EPHA6: variants seen among roughly 807,000 people sequenced by gnomAD.
The protein encoded by EPHA6 is ephrin type-A receptor 6.
EPHA6 carries 50 observed loss-of-function variants against 112.0 expected under a neutral mutation model. The ratio of observed to expected loss-of-function variants is 0.45; its 90% CI spans 0.36 to 0.56. The LOEUF (loss-of-function observed/expected upper bound fraction) is 0.56, where lower values mean the gene tolerates loss of function less well. Among genes scored for constraint, EPHA6 ranks in the 20% least tolerant of loss-of-function variants. The pLI is 0.00. For synonymous variants in EPHA6, 529 were observed against 490.7 expected, an observed-to-expected ratio of 1.08 and a Z score of -1.03; for missense variants, 1,280 against 1,417.4, an observed-to-expected ratio of 0.90 and a Z score of 1.56.
chr3:96,914,821 TGAA>T (rs1446331352), intron 2 of EPHA6, among the ~76,000 whole-genome samples: 1 of 151,976 alleles, frequency 6.6e-6, no homozygotes, highest in Non-Finnish European at 1.5e-5. Context: ...AAAAGTGTGT[TGAA>T]GAAAATAATC....
intron 10 of EPHA6, among the ~76,000 whole-genome samples, chr3:97,527,378 C>T (rs1232030478): frequency 6.6e-6 from 1 of 152,092 alleles, no homozygotes; most frequent in South Asian, 2.1e-4. Context: ...TCCAAGGGCT[C>T]CCACAAAGAA....
intron 5 of EPHA6, among the ~76,000 whole-genome samples, chr3:97,249,168 A>C (rs1000771231): frequency 1.4e-4 from 22 of 152,128 alleles, no homozygotes; most frequent in Non-Finnish European, 7.4e-5. Context: ...TTAACTAAGA[A>C]AGATGCTGTA....
chr3:97,653,142 A>G (rs1044617299), intron 14 of EPHA6, among the ~76,000 whole-genome samples: 1 of 151,962 alleles, frequency 6.6e-6, no homozygotes, highest in African/African-American at 2.4e-5. Flanking sequence ...GGGTCTCAAA[A>G]GGAAAAATAG....
intron 3 of EPHA6, among the ~76,000 whole-genome samples, chr3:97,145,848 G>T (rs2076031006): frequency 6.6e-6 from 1 of 151,494 alleles, no homozygotes. Context: ...ATCATATAAT[G>T]AGTTGAGCAC....
intron 5 of EPHA6, among the ~76,000 whole-genome samples, chr3:97,305,064 G>A (rs550160975): frequency 7.4e-4 from 112 of 151,936 alleles, no homozygotes; most frequent in South Asian, 1.5e-3. Flanking sequence ...ATTAAAAGTG[G>A]GCAAAAGACA....
At chr3:97,090,320 G>C (rs1167899549) in intron 3 of EPHA6, among the ~76,000 whole-genome samples, 1 of 151,862 alleles carries the variant, frequency 6.6e-6, no homozygotes, top group African/African-American at 2.4e-5. Flanking sequence ...GAAATAGCAT[G>C]GTTTGTTTGT....
chr3:97,733,196 A>G (rs2035113075), intron 15 of EPHA6, among the ~76,000 whole-genome samples: 1 of 152,042 alleles, frequency 6.6e-6, no homozygotes, highest in Non-Finnish European at 1.5e-5. Flanking sequence ...TCTGAAGCTA[A>G]GGACCTGGGG....
chr3:97,009,957 C>G, intron 3 of EPHA6: 1 of 569,918 alleles, frequency 1.8e-6, no homozygotes, highest in Non-Finnish European at 3.0e-6. Flanking sequence ...ACCTTGGTTG[C>G]CGTTGAAGGA....
chr3:96,908,165 G>T (rs1390440349), intron 2 of EPHA6, among the ~76,000 whole-genome samples: 1 of 151,908 alleles, frequency 6.6e-6, no homozygotes, highest in Non-Finnish European at 1.5e-5. Context: ...AATGTAAAAT[G>T]GTATACCTGC....
intron 4 of EPHA6, among the ~76,000 whole-genome samples, chr3:97,233,115 CAATT>C (rs2078578453): frequency 6.6e-6 from 1 of 152,038 alleles, no homozygotes; most frequent in African/African-American, 2.4e-5. Flanking sequence ...CAGCTGCCAC[CAATT>C]ATGGTTTTAG....
At chr3:97,581,033 T>C (rs2093432569) in intron 11 of EPHA6, among the ~76,000 whole-genome samples, 1 of 152,220 alleles carries the variant, frequency 6.6e-6, no homozygotes, top group Non-Finnish European at 1.5e-5. Flanking sequence ...TGGAATAGCA[T>C]CCCTAGCTAT....
At chr3:97,629,175 G>T (rs2107528909) in intron 13 of EPHA6, among the ~76,000 whole-genome samples, 2 of 151,984 alleles carry the variant, frequency 1.3e-5, no homozygotes, top group Middle Eastern at 3.4e-3. Flanking sequence ...TGATCCTCCT[G>T]CTTCAGCCTC....
At chr3:97,597,784 A>G (rs2093606694) in intron 12 of EPHA6, among the ~76,000 whole-genome samples, 1 of 152,254 alleles carries the variant, frequency 6.6e-6, no homozygotes, top group African/African-American at 2.4e-5. Context: ...TTCAGAAAGT[A>G]TATGGCTTAG....
chr3:96,967,682 T>TTGTGTGTG (rs149291564), intron 2 of EPHA6, among the ~76,000 whole-genome samples: 1 of 149,274 alleles, frequency 6.7e-6, no homozygotes, highest in East Asian at 2.0e-4. Flanking sequence ...TGAGTAACAG[T>TTGTGTGTG]TGTGTGTGTG....
chr3:97,160,766 T>G (rs1377823793), intron 3 of EPHA6, among the ~76,000 whole-genome samples: 1 of 152,162 alleles, frequency 6.6e-6, no homozygotes, highest in African/African-American at 2.4e-5. Flanking sequence ...GCAAAGTGAA[T>G]AATCAGGTTC....
At chr3:97,052,362 C>T (rs1376308050) in intron 3 of EPHA6, among the ~76,000 whole-genome samples, 1 of 152,154 alleles carries the variant, frequency 6.6e-6, no homozygotes, top group Non-Finnish European at 1.5e-5. Flanking sequence ...TTTTTCCCTA[C>T]TTCCTACTCT....
At chr3:97,652,557 CT>C (rs976488464) in intron 14 of EPHA6, among the ~76,000 whole-genome samples, 5 of 151,974 alleles carry the variant, frequency 3.3e-5, no homozygotes, top group African/African-American at 1.2e-4. Context: ...TGGAAAATTT[CT>C]AGTTGAAATC....
At chr3:96,891,285 A>G (rs1031898777) in intron 2 of EPHA6, among the ~76,000 whole-genome samples, 2 of 152,238 alleles carry the variant, frequency 1.3e-5, no homozygotes, top group African/African-American at 2.4e-5. Flanking sequence ...TTTATACAGC[A>G]CTATAGATGA....
chr3:97,528,775 T>C (rs1200889036), intron 10 of EPHA6, among the ~76,000 whole-genome samples: 1 of 152,178 alleles, frequency 6.6e-6, no homozygotes, highest in African/African-American at 2.4e-5. Flanking sequence ...TACTAATTGA[T>C]ACTTTAATAT....
Sources: gnomAD v4.1 joint callset for allele counts (sites outside exome capture counted in the v4.1 genomes callset) on GRCh38, gnomAD v4.1.1 for gene constraint, MANE v1.5 for transcripts, NCBI Gene and HGNC (gene_info 2026-07-23, HGNC 2026-07-21) for gene names.